C11orf91: variants seen among roughly 807,000 people sequenced by gnomAD.
The protein encoded by C11orf91 is uncharacterized protein C11orf91.
A neutral mutation model predicts 14.3 loss-of-function variants in C11orf91; 10 were observed. The observed-to-expected ratio is 0.70, with a 90% CI of 0.43 to 1.18. The LOEUF (loss-of-function observed/expected upper bound fraction) is 1.18, where lower values mean the gene tolerates loss of function less well. Among genes scored for constraint, C11orf91 ranks in the 50% most tolerant of loss-of-function variants. C11orf91 has a pLI of 0.00. For missense variants in C11orf91, 236 were observed against 269.0 expected (o/e 0.88, Z 0.86); for synonymous variants, 141 against 130.6 (o/e 1.08, Z -0.54).
At position 33,700,684 on chromosome 11, in the gene C11orf91, C is replaced by T; in HGVS notation, c.57G>A (p.Pro19=). The change falls in exon 1 of 2, where the codon CCG becomes CCA. Residue 19 remains proline (P), a synonymous_variant. Transcript: ENST00000379011. ...HSPTMSQRSA[P]PLYFPSLYDR... ...CGTACAGGGACGGGAAATAGAGGGGCGGAGCCGACCGCTGGCTCATGGTGG... is the reference window on the plus strand; with the variant it reads ...CGTACAGGGACGGGAAATAGAGGGGTGGAGCCGACCGCTGGCTCATGGTGG... The T allele has an allele frequency of 6.9e-7, 1 of 1,442,396 alleles. No homozygotes were observed. 89.3% of individuals were successfully genotyped at this position (1,442,396 alleles called of 1,614,324 possible).
chr11:33,701,754 AGTGTGT>A (rs35903408), upstream of C11orf91, among the ~76,000 whole-genome samples: 22 of 149,024 alleles, frequency 1.5e-4, no homozygotes, highest in Non-Finnish European at 1.6e-4. Flanking sequence ...CACAGTGCAA[AGTGTGT>A]GTGTGTGTGT....
At position 33,700,567 on chromosome 11, in the gene C11orf91, C is replaced by T. The variant is rs1157410305; in HGVS notation, c.174G>A (p.Gly58=). Residue 58 remains glycine, a synonymous_variant, in exon 1 of 2, where the codon GGG becomes GGA. Transcript: ENST00000379011. ...GGGACAGGGACCGGGCCCCCGCCGC[C>T]CCGCCCACTGGCGCCCCGCCCGCCT... ...PLKAGGAPVG[G]AAGARSLSQA... 1.6e-5 allele frequency: 23 copies of T among 1,451,788 alleles called. No homozygotes were observed. Among genetic ancestry groups the T allele is most frequent in the East Asian group, 3.0e-5 (1 of 33,112 alleles). 89.9% of individuals were successfully genotyped at this position (1,451,788 alleles called of 1,614,324 possible).
chr11:33,700,537 C>T lies in C11orf91; in HGVS notation c.204G>A (p.Ala68=). The change falls in exon 1 of 2, where the codon GCG becomes GCA. Residue 68 remains alanine (A), a synonymous_variant. Coordinates refer to ENST00000379011, the MANE Select transcript of C11orf91 (RefSeq NM_001166692.2). ...GAAGARSLSQ[A]LPAPAPPPPP... is the part of the protein sequence containing the mutation. ...GGGGCGGGGGCGCCGGGGCGGGGAG[C>T]GCCTGGGACAGGGACCGGGCCCCCG... 7 of 1,362,654 alleles carry T rather than the reference C, an allele frequency of 5.1e-6. No individual in the cohort carries two copies. In the South Asian group the frequency reaches 5.5e-5, roughly 11 times the overall value. The allele number at this position is 1,362,654 out of a possible 1,614,324, so 84.4% of individuals were successfully genotyped here.
At position 33,698,399 on chromosome 11, in the gene C11orf91, G is replaced by T; in HGVS notation, c.*30C>A. 7.3e-7 allele frequency: 1 copy of T among 1,361,952 alleles called. No homozygotes were observed. Among genetic ancestry groups the T allele is most frequent in the Non-Finnish European group, 1.0e-6 (1 of 986,892 alleles). The allele number at this position is 1,361,952 out of a possible 1,614,324, so 84.4% of individuals were successfully genotyped here. On this transcript the variant is annotated 3_prime_UTR_variant, in exon 2 of 2. Transcript: ENST00000379011. ...TATCTAAGCACTAACACCTAAGGAGGTGGCTGCCCAAGCTCTGGTAGGCAG... is the reference window on the plus strand; with the variant it reads ...TATCTAAGCACTAACACCTAAGGAGTTGGCTGCCCAAGCTCTGGTAGGCAG...
chr11:33,698,390 C>G lies in C11orf91; in HGVS notation c.*39G>C, dbSNP rs952204534. On this transcript the variant is annotated 3_prime_UTR_variant, in exon 2 of 2. Transcript: ENST00000379011. ...GGGACACATTATCTAAGCACTAACA[C>G]CTAAGGAGGTGGCTGCCCAAGCTCT... The G allele has an allele frequency of 8.3e-6, 10 of 1,206,694 alleles. No homozygotes were observed. The highest frequency in any genetic ancestry group is 1.2e-5 in the Non-Finnish European group (10 of 845,276). The allele number at this position is 1,206,694 out of a possible 1,614,324, so 74.7% of individuals were successfully genotyped here. A position where few individuals can be genotyped will look rare whatever the true frequency, so the allele number is the denominator to read the frequency against.
intron 1 of C11orf91, chr11:33,699,491 C>A: frequency 4.4e-6 from 2 of 451,936 alleles, no homozygotes; most frequent in South Asian, 1.6e-5. Context: ...ACTGAAAGTT[C>A]TACTTTGCAA....
Position 33,700,664 on chromosome 11 carries a change from A to C in C11orf91, c.77T>G (p.Leu26Arg). The C allele has an allele frequency of 6.8e-7, 1 of 1,466,412 alleles. No individual in the cohort carries two copies. Among genetic ancestry groups the C allele is most frequent in the Non-Finnish European group, 9.0e-7 (1 of 1,112,310 alleles). 90.8% of individuals were successfully genotyped at this position (1,466,412 alleles called of 1,614,324 possible). A position where few individuals can be genotyped will look rare whatever the true frequency, so the allele number is the denominator to read the frequency against. Reference sequence around the variant, plus strand: ...GGACGAGGAGATGCCGCGGTCGTACAGGGACGGGAAATAGAGGGGCGGAGC... The same window carrying C: ...GGACGAGGAGATGCCGCGGTCGTACCGGGACGGGAAATAGAGGGGCGGAGC... ...RSAPPLYFPS[L>R]YDRGISSSPL... The change falls in exon 1 of 2, where the codon CTG (leucine) becomes CGG (arginine). Residue 26 changes from leucine to arginine, a missense_variant. Coordinates refer to ENST00000379011, the MANE Select transcript of C11orf91 (RefSeq NM_001166692.2).
chr11:33,701,165 A>G (rs1030210444), upstream of C11orf91, among the ~76,000 whole-genome samples: 3 of 152,252 alleles, frequency 2.0e-5, no homozygotes, highest in Non-Finnish European at 4.4e-5. Flanking sequence ...AGTATTTCCT[A>G]GAAACCTGGC....
In C11orf91 at chr11:33,700,709, G is replaced by C; in HGVS notation, c.32C>G (p.Pro11Arg). Residue 11 changes from proline to arginine, a missense_variant, in exon 1 of 2, where the codon CCC becomes CGC. Physicochemically the swap from Pro to Arg is moderately radical, Grantham distance 103. Transcript: ENST00000379011. ...CGGAGCCGACCGCTGGCTCATGGTG[G>C]GGCTGTGGCTGCCGCGCCGCCCCTT... MPKGRRGSHSPTMSQRSAPPL... is the reference protein window; with the variant it reads MPKGRRGSHSRTMSQRSAPPL... 1 of 1,396,986 alleles carries C rather than the reference G, an allele frequency of 7.2e-7. No individual in the cohort carries two copies. Among genetic ancestry groups the C allele is most frequent in the Non-Finnish European group, 9.3e-7 (1 of 1,072,896 alleles). The allele number at this position is 1,396,986 out of a possible 1,614,324, so 86.5% of individuals were successfully genotyped here. A position where few individuals can be genotyped will look rare whatever the true frequency, so the allele number is the denominator to read the frequency against.
chr11:33,698,904 C>A (rs1853073745), intron 1 of C11orf91, among the ~76,000 whole-genome samples: 1 of 151,314 alleles, frequency 6.6e-6, no homozygotes, highest in Non-Finnish European at 1.5e-5. Flanking sequence ...CCTCATCCTC[C>A]CGAGTAGATG....
At chr11:33,703,318 C>T (rs562008849), upstream of C11orf91, 23 of 152,228 alleles carry the variant, frequency 1.5e-4, no homozygotes, top group African/African-American at 5.1e-4. Flanking sequence ...AATAAACCCA[C>T]GAGGTTAAGG....
intron 1 of C11orf91, among the ~76,000 whole-genome samples, chr11:33,699,120 T>C (rs970905905): frequency 2.6e-5 from 4 of 152,006 alleles, no homozygotes; most frequent in Non-Finnish European, 5.9e-5. Flanking sequence ...CTTAACTATG[T>C]ATTCGGTTAA....
At chr11:33,702,251 G>C (rs1853140260), upstream of C11orf91, among the ~76,000 whole-genome samples, 1 of 152,174 alleles carries the variant, frequency 6.6e-6, no homozygotes, top group Non-Finnish European at 1.5e-5. Flanking sequence ...CCAAGAGTTT[G>C]AGAACAGCCA....
At chr11:33,698,650 A>C in intron 1 of C11orf91, 136 bp from the exon 2 acceptor site, 1 of 630,580 alleles carries the variant, frequency 1.6e-6, no homozygotes, top group East Asian at 2.7e-5. Context: ...GGAGAGAAAA[A>C]AACAAAAAAC....
Position 33,700,818 on chromosome 11 carries a change from AG to A in C11orf91, c.-79del. 1 of 1,222,400 alleles carries A rather than the reference AG, an allele frequency of 8.2e-7. No homozygotes were observed. Among genetic ancestry groups the A allele is most frequent in the Non-Finnish European group, 1.0e-6 (1 of 973,922 alleles). 75.7% of individuals were successfully genotyped at this position (1,222,400 alleles called of 1,614,324 possible). Reference sequence around the variant, plus strand: ...CAGGCCCCGAGTCGCCGGGGTTTCGAGGTTCCACAAGCCCCGCCCCGATGGA... The same window carrying A: ...CAGGCCCCGAGTCGCCGGGGTTTCGAGTTCCACAAGCCCCGCCCCGATGGA... On this transcript the variant is annotated 5_prime_UTR_variant, in exon 1 of 2. Coordinates refer to ENST00000379011, the MANE Select transcript of C11orf91 (RefSeq NM_001166692.2).
At chr11:33,699,906 G>A (rs1177704357) in intron 1 of C11orf91, among the ~76,000 whole-genome samples, 1 of 152,062 alleles carries the variant, frequency 6.6e-6, no homozygotes, top group Non-Finnish European at 1.5e-5. Flanking sequence ...AGAGTACAGG[G>A]TAGGAGGATG....
chr11:33,704,808 TCTTCCTGG>T, upstream of C11orf91: 1 of 152,556 alleles, frequency 6.6e-6, no homozygotes, highest in Non-Finnish European at 1.5e-5. Context: ...CTCCTACCCC[TCTTCCTGG>T]CAGGAGGCTG....
At chr11:33,700,203 C>G in intron 1 of C11orf91, 42 bp downstream of exon 1, 1 of 1,509,352 alleles carries the variant, frequency 6.6e-7, no homozygotes, top group South Asian at 1.2e-5. Context: ...GGAGCTAGGG[C>G]AGGCTAAGGC....
upstream of C11orf91, among the ~76,000 whole-genome samples, chr11:33,701,316 G>C (rs934545725): frequency 1.3e-5 from 2 of 151,472 alleles, no homozygotes; most frequent in African/African-American, 4.9e-5. Context: ...ATGGCTGTTA[G>C]AGCCAACCTA....
Sources: allele counts gnomAD v4.1 joint callset (sites outside exome capture counted in the v4.1 genomes callset), GRCh38; gene constraint gnomAD v4.1.1; transcripts MANE v1.5; gene names NCBI Gene and HGNC (gene_info 2026-07-23, HGNC 2026-07-21).